Variants in ZNF324B observed in about 807,000 individuals in gnomAD.
ZNF324B encodes zinc finger protein 324B.
Under a neutral mutation model 10.6 loss-of-function variants are expected in ZNF324B, and 7 were observed. The observed-to-expected ratio is 0.66, with a 90% CI of 0.38 to 1.24. ZNF324B has a LOEUF of 1.24. ZNF324B is among the 50% of genes most tolerant of loss of function. The probability of loss-of-function intolerance (pLI) is 0.02; values close to 1 mark genes in which losing one functional copy is unlikely to be tolerated. For synonymous variants in ZNF324B, 316 were observed against 321.0 expected (o/e 0.98, Z 0.17); for missense variants, 640 against 764.7 (o/e 0.84, Z 1.92).
the ZNF324B span, chr19:58,432,971 A>G: frequency 3.4e-5 from 6 of 176,166 alleles, no homozygotes; most frequent in Admixed American, 2.7e-4. Context: ...AGCTCAAATT[A>G]GATTTCCCTC....
At chr19:58,454,417 C>A in intron 3 of ZNF324B, 73 bp downstream of exon 3, 1 of 958,506 alleles carries the variant, frequency 1.0e-6, no homozygotes, top group Non-Finnish European at 1.7e-6. Flanking sequence ...TTTTCTGACT[C>A]TGGAAACACA....
chr19:58,425,340 T>C, the ZNF324B span, among the ~76,000 whole-genome samples: 2 of 152,010 alleles, frequency 1.3e-5, no homozygotes, highest in Admixed American at 1.3e-4. Context: ...TGCCTTGGCC[T>C]ACCAAAGTGC....
the ZNF324B span, chr19:58,436,960 G>T: frequency 7.0e-6 from 11 of 1,581,308 alleles, no homozygotes; most frequent in South Asian, 1.2e-4. Context: ...CAGTACCCAT[G>T]ATCTGGCTTT....
the ZNF324B span, chr19:58,435,318 A>AT: frequency 3.0e-6 from 4 of 1,316,170 alleles, no homozygotes; most frequent in Non-Finnish European, 3.1e-6. Flanking sequence ...GGTCCCAGGG[A>AT]TTGCTGACAG....
chr19:58,438,087 G>A, the ZNF324B span, among the ~76,000 whole-genome samples: 1 of 152,160 alleles, frequency 6.6e-6, no homozygotes, highest in East Asian at 1.9e-4. Flanking sequence ...GAGATAACAT[G>A]CCCTGACCAC....
the ZNF324B span, among the ~76,000 whole-genome samples, chr19:58,438,971 G>A: frequency 6.9e-3 from 1,047 of 151,266 alleles, 16 homozygotes; most frequent in Admixed American, 0.023. Context: ...GTGGGGTTTC[G>A]CCACGTTGGC....
At chr19:58,447,021 G>A (rs2052831262), upstream of ZNF324B, among the ~76,000 whole-genome samples, 1 of 150,660 alleles carries the variant, frequency 6.6e-6, no homozygotes, top group Admixed American at 6.6e-5. Flanking sequence ...TGGTGCTCAG[G>A]CTGGAGTGCA....
Position 58,455,786 on chromosome 19 carries a change from G to C in ZNF324B, c.842G>C (p.Gly281Ala). The change falls in exon 4 of 4, where the codon GGG becomes GCG. Residue 281 changes from glycine (G) to alanine (A), a missense_variant. By Grantham distance (60) the Gly-to-Ala change is moderately conservative (BLOSUM62 0). Transcript: ENST00000336614. The surrounding 1 kb of genome is among the most constrained non-coding windows in gnomAD (Gnocchi z 7.0). Reference sequence around the variant, plus strand: ...CTCAAGCACCTACGCACCCACACCGGGGAGCGGCCCTACGAGTGCACCCAG... The same window carrying C: ...CTCAAGCACCTACGCACCCACACCGCGGAGCGGCCCTACGAGTGCACCCAG... ...DLLKHLRTHT[G>A]ERPYECTQCG... 1 of 1,614,104 alleles carries C rather than the reference G, an allele frequency of 6.2e-7. No individual in the cohort carries two copies. Among genetic ancestry groups the C allele is most frequent in the Non-Finnish European group, 8.5e-7 (1 of 1,180,014 alleles).
At chr19:58,427,440 TTCCTTTCCTTTCCCTTCC>T in the ZNF324B span, among the ~76,000 whole-genome samples, 7 of 13,758 alleles carry the variant, frequency 5.1e-4, no homozygotes, top group African/African-American at 1.6e-3. Flanking sequence ...CCTTCCTTCC[TTCCTTTCCTTTCCCTTCC>T]TTCCTTCCTT....
At chr19:58,454,850 G>A (rs1398018065) in intron 3 of ZNF324B, 2 of 535,602 alleles carry the variant, frequency 3.7e-6, no homozygotes, top group Non-Finnish European at 6.8e-6. Context: ...GGCACCAGGG[G>A]AGAAGGGAGT....
Position 58,456,158 on chromosome 19 carries a change from C to A in ZNF324B, c.1214C>A (p.Ala405Asp), listed in dbSNP as rs750086211. 8 of 1,613,394 alleles carry A rather than the reference C, an allele frequency of 5.0e-6. No individual in the cohort carries two copies. Among genetic ancestry groups the A allele is most frequent in the Non-Finnish European group, 5.1e-6 (6 of 1,179,776 alleles). The change falls in exon 4 of 4, where the codon GCC becomes GAC. Residue 405 changes from alanine (A) to aspartate (D), a missense_variant. Ala to Asp is a moderately radical substitution (Grantham distance 126). Transcript: ENST00000336614. This position sits in a 1 kb window ranked among gnomAD's most constrained non-coding sequence, Gnocchi z 4.7. ...TTCGTATGCGCGCTCTGCGGTGCTG[C>A]CTTCAGCCAGGGCTCCTCGCTCTTT... Reference protein sequence around the residue: ...KPFVCALCGAAFSQGSSLFLH... With the variant: ...KPFVCALCGADFSQGSSLFLH...
Position 58,457,119 on chromosome 19 carries a change from C to T in ZNF324B, c.*540C>T, listed in dbSNP as rs1014586836. The T allele has an allele frequency of 1.9e-5, 3 of 158,630 alleles. No individual in the cohort carries two copies. The highest frequency in any genetic ancestry group is 1.8e-4 in the South Asian group (1 of 5,430). The allele number at this position is 158,630 out of a possible 1,614,324, so 9.8% of individuals were successfully genotyped here. A position where few individuals can be genotyped will look rare whatever the true frequency, so the allele number is the denominator to read the frequency against. On this transcript the variant is annotated 3_prime_UTR_variant, in exon 4 of 4. Transcript: ENST00000336614. ...CAGGGTGTGGCCTGTGAGTGTCAGC[C>T]TCCTCCTCGGAAAAAGAAAAGCTTT...
the ZNF324B span, among the ~76,000 whole-genome samples, chr19:58,437,970 C>T: frequency 2.0e-5 from 3 of 152,152 alleles, no homozygotes; most frequent in South Asian, 4.1e-4. Flanking sequence ...CACTCAAATC[C>T]AAGATCCACT....
the ZNF324B span, among the ~76,000 whole-genome samples, chr19:58,427,481 CCTTCCTTCCTTCCTTT>C: frequency 5.4e-5 from 6 of 110,292 alleles, no homozygotes; most frequent in South Asian, 8.4e-4. Flanking sequence ...TTCCTTCCTT[CCTTCCTTCCTTCCTTT>C]CTTTCTTTTT....
chr19:58,454,270 G>T lies in ZNF324B; in HGVS notation c.164G>T (p.Arg55Leu). 1 of 1,614,104 alleles carries T rather than the reference G, an allele frequency of 6.2e-7. No homozygotes were observed. Residue 55 changes from arginine to leucine, a missense_variant, in exon 3 of 4, where the codon CGT becomes CTT. Coordinates refer to ENST00000336614, the MANE Select transcript of ZNF324B (RefSeq NM_207395.3). ...SRPRVVIQLERGEEPWVPSGK... is the reference protein window; with the variant it reads ...SRPRVVIQLELGEEPWVPSGK... ...CCTCGTGTGGTCATTCAACTTGAGCGTGGCGAGGAGCCCTGGGTTCCCAGT... is the reference window on the plus strand; with the variant it reads ...CCTCGTGTGGTCATTCAACTTGAGCTTGGCGAGGAGCCCTGGGTTCCCAGT...
At position 58,456,515 on chromosome 19, in the gene ZNF324B, G is replaced by T. The variant is rs1050411617; in HGVS notation, c.1571G>T (p.Gly524Val). Residue 524 changes from glycine to valine, a missense_variant, in exon 4 of 4, where the codon GGA (glycine) becomes GTA (valine). Gly to Val is a moderately radical substitution (Grantham distance 109). Transcript: ENST00000336614. The surrounding 1 kb of genome is among the most constrained non-coding windows in gnomAD (Gnocchi z 4.7). The stretch of plus-strand genomic sequence containing the variant: ...ACCCCGGGGCCAGGTTTCCTTCAGG[G>T]ACATCATCGGAAGGTGCGCCGGGGA... ...DCTPGPGFLQ[G>V]HHRKVRRGGK... is the part of the protein sequence containing the mutation. 1 of 1,614,102 alleles carries T rather than the reference G, an allele frequency of 6.2e-7. No individual in the cohort carries two copies. The highest frequency in any genetic ancestry group is 8.5e-7 in the Non-Finnish European group (1 of 1,180,048).
At chr19:58,422,278 A>G in the ZNF324B span, among the ~76,000 whole-genome samples, 4 of 152,154 alleles carry the variant, frequency 2.6e-5, no homozygotes, top group African/African-American at 9.7e-5. Context: ...CAACATAATA[A>G]TGGCCATATA....
the ZNF324B span, among the ~76,000 whole-genome samples, chr19:58,420,111 A>T: frequency 6.6e-6 from 1 of 152,070 alleles, no homozygotes. Context: ...GTGAAACTCC[A>T]CCTCTACTAA....
chr19:58,435,956 A>T, the ZNF324B span, among the ~76,000 whole-genome samples: 1 of 152,200 alleles, frequency 6.6e-6, no homozygotes, highest in Admixed American at 6.5e-5. Context: ...ATGCTCATCC[A>T]CTGGTAAATG....
Sources: allele counts gnomAD v4.1 joint callset (sites outside exome capture counted in the v4.1 genomes callset), GRCh38; gene constraint gnomAD v4.1.1; non-coding constraint Gnocchi (gnomAD v3.1); transcripts MANE v1.5; gene names NCBI Gene and HGNC (gene_info 2026-07-23, HGNC 2026-07-21).